Variants in C19orf38 observed in about 807,000 individuals in gnomAD.
The protein encoded by C19orf38 is protein HIDE1.
In C19orf38, 14 loss-of-function variants were observed where a neutral mutation model predicts 26.6. That is an observed-to-expected ratio of 0.53 (90% confidence interval 0.35 to 0.82). The LOEUF (loss-of-function observed/expected upper bound fraction) is 0.82, where lower values mean the gene tolerates loss of function less well. Ranked by LOEUF, C19orf38 falls within the 40% of genes least tolerant of loss-of-function variation. The pLI, the probability that C19orf38 is intolerant of heterozygous loss-of-function variation, is 0.01. For missense variants in C19orf38, 261 were observed against 299.5 expected (o/e 0.87, Z 0.95); for synonymous variants, 132 against 128.5 (o/e 1.03, Z -0.18).
upstream of C19orf38, among the ~76,000 whole-genome samples, chr19:10,846,668 G>A (rs1325970733): frequency 1.3e-5 from 2 of 152,142 alleles, no homozygotes; most frequent in Non-Finnish European, 2.9e-5. Context: ...TGTCAGGAAT[G>A]AAAGAAGGAA....
At chr19:10,865,072 C>T (rs1020992853) in intron 6 of C19orf38, among the ~76,000 whole-genome samples, 4 of 152,186 alleles carry the variant, frequency 2.6e-5, no homozygotes, top group Admixed American at 6.5e-5. Flanking sequence ...TCAATCTAAA[C>T]GTTTCCATGA....
chr19:10,863,103 GA>G, intron 5 of C19orf38, 66 bp from the exon 6 acceptor site: 1 of 1,485,820 alleles, frequency 6.7e-7, no homozygotes. Context: ...GCAGTGCGGG[GA>G]TGGCAGGGAG....
intron 2 of C19orf38, among the ~76,000 whole-genome samples, chr19:10,855,095 T>TG (rs2073610747): frequency 7.1e-6 from 1 of 140,794 alleles, no homozygotes; most frequent in Non-Finnish European, 1.5e-5. Context: ...TGGAAGGCAA[T>TG]GGCCCAATCT....
At chr19:10,848,330 GGAGA>G, upstream of C19orf38, 2 of 627,314 alleles carry the variant, frequency 3.2e-6, no homozygotes, top group Non-Finnish European at 5.7e-6. Flanking sequence ...GGTGGGGAGG[GGAGA>G]GAGTCCCTTT....
upstream of C19orf38, among the ~76,000 whole-genome samples, chr19:10,846,908 T>G (rs1048151956): frequency 6.6e-6 from 1 of 152,166 alleles, no homozygotes; most frequent in Non-Finnish European, 1.5e-5. Context: ...AACTGAGACC[T>G]GAAGGAGAAG....
chr19:10,859,972 C>G lies in C19orf38; in HGVS notation c.505+14C>G. 1 of 1,549,480 alleles carries G rather than the reference C, an allele frequency of 6.5e-7. No individual in the cohort carries two copies. Among genetic ancestry groups the G allele is most frequent in the South Asian group, 1.2e-5 (1 of 84,012 alleles). On this transcript the variant is annotated intron_variant, in intron 5 of 6. Transcript: ENST00000397820. The stretch of plus-strand genomic sequence containing the variant: ...TCGACAGCACAGGTCTGTGCCTCCA[C>G]ACTCCTGACTCCAGTGGGGAAAGGA...
rs1397300648 is a variant in C19orf38, at chr19:10,859,950, A to G, written c.497A>G (p.Asp166Gly). ...RESCWAQINF[D>G]STDMSFDNSL... ...TCCTGCTGGGCCCAGATTAACTTCG[A>G]CAGCACAGGTCTGTGCCTCCACACT... The change falls in exon 5 of 7, where the codon GAC (aspartate) becomes GGC (glycine). Residue 166 changes from aspartate to glycine, a missense_variant. Physicochemically the swap from Asp to Gly is moderately conservative, Grantham distance 94 (BLOSUM62 -1). Transcript: ENST00000397820. 2 of 1,551,808 alleles carry G rather than the reference A, an allele frequency of 1.3e-6. No individual in the cohort carries two copies. The highest frequency in any genetic ancestry group is 1.7e-6 in the Non-Finnish European group (2 of 1,146,888).
intron 1 of C19orf38, among the ~76,000 whole-genome samples, chr19:10,841,256 C>T (rs932094695): frequency 7.3e-5 from 11 of 151,560 alleles, no homozygotes; most frequent in African/African-American, 2.7e-4. Flanking sequence ...TCTCTTGAGC[C>T]AAGGAGTTTG....
intron 5 of C19orf38, chr19:10,860,241 T>C: frequency 2.7e-6 from 1 of 375,332 alleles, no homozygotes; most frequent in South Asian, 4.0e-5. Context: ...TCGGTAGAAA[T>C]ACAATTAGGC....
At chr19:10,858,384 A>G (rs1465682687) in intron 4 of C19orf38, 41 bp downstream of exon 4, 9 of 1,518,130 alleles carry the variant, frequency 5.9e-6, no homozygotes, top group Non-Finnish European at 8.0e-6. Flanking sequence ...TGGTTTGGGG[A>G]AAGAAGGACA....
intron 1 of C19orf38, among the ~76,000 whole-genome samples, 191 bp downstream of exon 1, chr19:10,848,730 G>C (rs565505771): frequency 2.8e-4 from 43 of 152,190 alleles, no homozygotes; most frequent in African/African-American, 1.0e-3. Context: ...TTTCTTCTTA[G>C]GCTCCTCATC....
chr19:10,852,948 C>T (rs976223425), intron 2 of C19orf38, among the ~76,000 whole-genome samples: 6 of 151,374 alleles, frequency 4.0e-5, no homozygotes, highest in African/African-American at 1.2e-4. Context: ...CAATGACCCA[C>T]GCCTATAAGC....
rs2073741585 is a variant in C19orf38 at position 10,865,379 on chromosome 19, T to A, written c.543+2172T>A. 2.0e-5 allele frequency among the ~76,000 whole-genome samples: 3 copies of A among 152,168 alleles called. 1 individual carries two copies. In the South Asian group the frequency reaches 6.2e-4, roughly 32 times the overall value. ...CCAGGCTGGTCTCCAACAACCGACC[T>A]CAGGTGATCCGCCCGCCTTGGCCTC... On this transcript the variant is annotated intron_variant, in intron 6 of 6. Transcript: ENST00000397820.
At chr19:10,867,728 C>A (rs1439236301) in intron 6 of C19orf38, among the ~76,000 whole-genome samples, 13 of 135,730 alleles carry the variant, frequency 9.6e-5, no homozygotes, top group African/African-American at 3.6e-4. Context: ...TCTCGGCTCA[C>A]TGCCACCTCT....
chr19:10,867,641 CTTTTTTTTTTTTTTTTTT>C (rs953156656), intron 6 of C19orf38, among the ~76,000 whole-genome samples: 627 of 58,852 alleles, frequency 0.011, 13 homozygotes, highest in African/African-American at 0.04. Context: ...GAAGAACATT[CTTTTTTTTTTTTTTTTTT>C]TTTTTTTTTT....
At chr19:10,857,095 C>CTAATTT (rs954174487) in intron 3 of C19orf38, among the ~76,000 whole-genome samples, 19 of 151,556 alleles carry the variant, frequency 1.3e-4, no homozygotes, top group Non-Finnish European at 2.4e-4. Flanking sequence ...CCACACCTGG[C>CTAATTT]TAATTTTTAA....
chr19:10,846,091 A>C (rs1297544943), upstream of C19orf38, among the ~76,000 whole-genome samples: 1 of 148,352 alleles, frequency 6.7e-6, no homozygotes, highest in Non-Finnish European at 1.5e-5. Flanking sequence ...CTGAGATGGG[A>C]TGATCTCTTG....
chr19:10,851,464 C>T (rs1324825523), intron 2 of C19orf38, among the ~76,000 whole-genome samples: 2 of 152,010 alleles, frequency 1.3e-5, no homozygotes, highest in Non-Finnish European at 2.9e-5. Flanking sequence ...CCTCAGCCTC[C>T]TAAGTAGCTG....
At chr19:10,860,040 A>C in intron 5 of C19orf38, 82 bp downstream of exon 5, 3 of 1,375,678 alleles carry the variant, frequency 2.2e-6, no homozygotes, top group Non-Finnish European at 3.0e-6. Context: ...ACACCAATCA[A>C]ATTTCTTCTG....
Sources: allele counts gnomAD v4.1 joint callset (sites outside exome capture counted in the v4.1 genomes callset), GRCh38; gene constraint gnomAD v4.1.1; transcripts MANE v1.5; gene names NCBI Gene and HGNC (gene_info 2026-07-23, HGNC 2026-07-21).